The following PEBP4 variants were observed in gnomAD, a reference collection of about 807,000 sequenced individuals.
PEBP4 encodes phosphatidylethanolamine binding protein 4.
PEBP4 carries 22 observed loss-of-function variants against 23.9 expected under a neutral mutation model. The ratio of observed to expected loss-of-function variants is 0.92; its 90% CI spans 0.66 to 1.31. The LOEUF (loss-of-function observed/expected upper bound fraction) is 1.31, where lower values mean the gene tolerates loss of function less well. Among genes scored for constraint, PEBP4 ranks in the 40% most tolerant of loss-of-function variants. The pLI is 0.00. For missense variants in PEBP4, 324 were observed against 281.7 expected (o/e 1.15, Z -1.07); for synonymous variants, 112 against 99.3 (o/e 1.13, Z -0.76).
chr8:22,869,649 A>G (rs1032893926), intron 3 of PEBP4, among the ~76,000 whole-genome samples: 7 of 152,236 alleles, frequency 4.6e-5, no homozygotes, highest in Non-Finnish European at 8.8e-5. Flanking sequence ...ACCCATGGAA[A>G]AAGACATACT....
At position 22,727,042 on chromosome 8, in the gene PEBP4, G is replaced by T. The variant is rs189848708; in HGVS notation, c.403+133C>A. On this transcript the variant is annotated intron_variant, in intron 5 of 6. Coordinates refer to ENST00000256404, the MANE Select transcript of PEBP4 (RefSeq NM_144962.3). ...AGTGACCATAAAAGGCAGTTGTGGA[G>T]ATGAAATCAGGGCATCCAAGAAAAC... The T allele has an allele frequency of 3.3e-4, 304 of 926,614 alleles. 1 individual carries two copies. In the African/African-American group the frequency reaches 4.6e-3, roughly 14 times the overall value. The allele number at this position is 926,614 out of a possible 1,614,324, so 57.4% of individuals were successfully genotyped here.
intron 3 of PEBP4, among the ~76,000 whole-genome samples, chr8:22,900,982 A>G (rs1319905942): frequency 1.3e-5 from 2 of 152,222 alleles, no homozygotes; most frequent in African/African-American, 4.8e-5. Flanking sequence ...GACAGCAGCA[A>G]GAAGTGACAG....
At chr8:22,743,019 T>C (rs975479148) in intron 4 of PEBP4, among the ~76,000 whole-genome samples, 6 of 152,152 alleles carry the variant, frequency 3.9e-5, no homozygotes, top group African/African-American at 1.4e-4. Context: ...TGCCAGCTAC[T>C]GGTGCTTGGT....
At chr8:22,755,915 G>A (rs539265221) in intron 4 of PEBP4, 6 of 152,258 alleles carry the variant, frequency 3.9e-5, no homozygotes, top group African/African-American at 1.2e-4. Context: ...TGGAGGAAAA[G>A]CATTGCAATC....
At chr8:22,742,163 C>T (rs988438175) in intron 4 of PEBP4, among the ~76,000 whole-genome samples, 1 of 152,234 alleles carries the variant, frequency 6.6e-6, no homozygotes, top group Non-Finnish European at 1.5e-5. Flanking sequence ...CTAAGAGAAA[C>T]TTCTCCCTAG....
chr8:22,876,893 G>A (rs763949617), intron 3 of PEBP4, among the ~76,000 whole-genome samples: 40 of 152,284 alleles, frequency 2.6e-4, no homozygotes, highest in Non-Finnish European at 4.4e-4. Flanking sequence ...TGTGAGGCTG[G>A]ACTAGTTATT....
At chr8:22,809,949 A>G (rs1198711345) in intron 4 of PEBP4, among the ~76,000 whole-genome samples, 1 of 152,244 alleles carries the variant, frequency 6.6e-6, no homozygotes, top group East Asian at 1.9e-4. Context: ...TGGGTCACCC[A>G]TGGATAATTA....
In PEBP4 at chr8:22,826,620, C is replaced by G. The variant is rs768502345; in HGVS notation, c.259-8885G>C. Among the ~76,000 whole-genome samples, 8 of 152,136 alleles carry G rather than the reference C, an allele frequency of 5.3e-5. No individual in the cohort carries two copies. The East Asian group carries it at 9.6e-4, about 18-fold the overall frequency. On this transcript the variant is annotated intron_variant, in intron 3 of 6. Coordinates refer to ENST00000256404, the MANE Select transcript of PEBP4 (RefSeq NM_144962.3). ...TCTAAGATCTGATATGAAAAGCTCT[C>G]CAGGATAACTTTAGTGTAAAAAGCA...
intron 3 of PEBP4, among the ~76,000 whole-genome samples, chr8:22,848,780 G>T (rs531437231): frequency 1.9e-4 from 29 of 152,302 alleles, no homozygotes; most frequent in African/African-American, 6.5e-4. Flanking sequence ...GATGATGAGT[G>T]TCATCAAGAA....
intron 3 of PEBP4, among the ~76,000 whole-genome samples, chr8:22,839,989 T>C (rs1807289368): frequency 1.3e-5 from 2 of 152,250 alleles, no homozygotes; most frequent in Admixed American, 1.3e-4. Flanking sequence ...TTCAAGGAAG[T>C]GTTTTCATTT....
At chr8:22,908,928 C>T (rs1269521952) in intron 3 of PEBP4, among the ~76,000 whole-genome samples, 2 of 152,156 alleles carry the variant, frequency 1.3e-5, no homozygotes, top group South Asian at 2.1e-4. Flanking sequence ...AGCTTTAAAG[C>T]GTTGCATCCT....
rs560311624 is a variant in PEBP4, at chr8:22,868,214, G to A, written c.259-50479C>T. ...TGTCTATGCTTTTGCTGCTGGAGAC[G>A]GGAAAACACCCCCCTGGTTTTCTCT... is the stretch of plus-strand genomic sequence containing the variant. On this transcript the variant is annotated intron_variant, in intron 3 of 6. Transcript: ENST00000256404. Among the ~76,000 whole-genome samples, 13 of 152,296 alleles carry A rather than the reference G, an allele frequency of 8.5e-5. No homozygotes were observed. In the South Asian group the frequency reaches 2.7e-3, roughly 32 times the overall value.
At chr8:22,897,446 G>C (rs906658321) in intron 3 of PEBP4, among the ~76,000 whole-genome samples, 1 of 152,114 alleles carries the variant, frequency 6.6e-6, no homozygotes. Context: ...CCCTTTCATC[G>C]TCTTACTCAG....
At chr8:22,836,031 A>G in intron 3 of PEBP4, among the ~76,000 whole-genome samples, 1 of 152,210 alleles carries the variant, frequency 6.6e-6, no homozygotes, top group Non-Finnish European at 1.5e-5. Flanking sequence ...GAGTCTATAA[A>G]TGGAAAAATG....
At chr8:22,861,719 C>T (rs1437126958) in intron 3 of PEBP4, among the ~76,000 whole-genome samples, 1 of 152,166 alleles carries the variant, frequency 6.6e-6, no homozygotes, top group African/African-American at 2.4e-5. Flanking sequence ...TCTGAATTTC[C>T]TTAGGTCCAA....
chr8:22,718,610 C>T (rs931634650), intron 6 of PEBP4, among the ~76,000 whole-genome samples: 6 of 152,186 alleles, frequency 3.9e-5, no homozygotes, highest in Admixed American at 1.3e-4. Flanking sequence ...CAGTTCTACC[C>T]GCTCGGCCAG....
intron 4 of PEBP4, among the ~76,000 whole-genome samples, chr8:22,804,711 A>G (rs73671298): frequency 0.01 from 1,554 of 152,154 alleles, 18 homozygotes; most frequent in African/African-American, 0.036. Flanking sequence ...AAGGATGCCT[A>G]TGCTCCACCC....
intron 4 of PEBP4, among the ~76,000 whole-genome samples, chr8:22,730,074 C>T (rs7812900): frequency 0.33 from 50,460 of 152,058 alleles, 10,010 homozygotes; most frequent in African/African-American, 0.54. Flanking sequence ...TCATGCCTTT[C>T]GACCTCAGTG....
chr8:22,757,820 G>T (rs2271530), intron 4 of PEBP4: 2,386 of 152,348 alleles, frequency 0.016, 37 homozygotes, highest in East Asian at 0.09. Flanking sequence ...GAGCAGGGTG[G>T]CCTGGGAGGA....
Sources: allele counts gnomAD v4.1 joint callset (sites outside exome capture counted in the v4.1 genomes callset), GRCh38; gene constraint gnomAD v4.1.1; transcripts MANE v1.5; gene names NCBI Gene and HGNC (gene_info 2026-07-23, HGNC 2026-07-21).